Variants in GPC5 observed in about 807,000 individuals in gnomAD.
The protein encoded by GPC5 is glypican 5, also known as glypican-5.
Under a neutral mutation model 53.9 loss-of-function variants are expected in GPC5, and 47 were observed. The ratio of observed to expected loss-of-function variants is 0.87; its 90% CI spans 0.69 to 1.11. GPC5 has a LOEUF of 1.11. GPC5 is among the 50% of genes most tolerant of loss of function. The pLI, the probability that GPC5 is intolerant of heterozygous loss-of-function variation, is 0.00. For synonymous variants in GPC5, 286 were observed against 263.3 expected (o/e 1.09, Z -0.84); for missense variants, 748 against 713.1 (o/e 1.05, Z -0.56).
At chr13:91,632,581 G>A (rs545050050) in intron 2 of GPC5, among the ~76,000 whole-genome samples, 3 of 152,222 alleles carry the variant, frequency 2.0e-5, no homozygotes, top group Admixed American at 1.3e-4. Flanking sequence ...AAGCAGCACT[G>A]CCCTACCTGT....
At chr13:92,654,079 C>T (rs1020127461) in intron 7 of GPC5, among the ~76,000 whole-genome samples, 3 of 152,216 alleles carry the variant, frequency 2.0e-5, no homozygotes, top group East Asian at 1.9e-4. Context: ...TTGAATGTTT[C>T]GGTCCATTCA....
chr13:92,455,970 A>T (rs1232582259), intron 7 of GPC5, among the ~76,000 whole-genome samples: 1 of 152,204 alleles, frequency 6.6e-6, no homozygotes, highest in Non-Finnish European at 1.5e-5. Flanking sequence ...GATTTGTTTC[A>T]AAAAGACCTT....
At chr13:91,804,624 T>C (rs1400760381) in intron 5 of GPC5, among the ~76,000 whole-genome samples, 2 of 152,220 alleles carry the variant, frequency 1.3e-5, no homozygotes, top group Non-Finnish European at 2.9e-5. Flanking sequence ...TATTCTTTTT[T>C]ATTTGCTCAT....
chr13:92,155,167 G>A (rs2041934664), intron 7 of GPC5, among the ~76,000 whole-genome samples: 1 of 151,998 alleles, frequency 6.6e-6, no homozygotes, highest in Non-Finnish European at 1.5e-5. Context: ...GTTCTTTTAT[G>A]GTGATGAGAC....
At chr13:92,810,732 TG>T (rs1450079969) in intron 7 of GPC5, among the ~76,000 whole-genome samples, 1 of 152,034 alleles carries the variant, frequency 6.6e-6, no homozygotes, top group East Asian at 1.9e-4. Context: ...TTTATTTATT[TG>T]TTTTTGAGAC....
At chr13:91,592,096 A>T (rs1411123855) in intron 2 of GPC5, among the ~76,000 whole-genome samples, 1 of 152,178 alleles carries the variant, frequency 6.6e-6, no homozygotes, top group African/African-American at 2.4e-5. Context: ...TAAGTTGATC[A>T]TAGTCCATTG....
intron 2 of GPC5, among the ~76,000 whole-genome samples, chr13:91,666,534 G>A (rs993820093): frequency 6.6e-6 from 1 of 151,972 alleles, no homozygotes; most frequent in Non-Finnish European, 1.5e-5. Context: ...AATTGAAATT[G>A]CATTTCATTT....
intron 7 of GPC5, among the ~76,000 whole-genome samples, chr13:92,865,568 T>A (rs181586181): frequency 6.6e-6 from 1 of 152,162 alleles, no homozygotes; most frequent in African/African-American, 2.4e-5. Flanking sequence ...GGAAGAAATG[T>A]TTTAGACCAT....
At chr13:91,457,483 A>G (rs886855614) in intron 2 of GPC5, among the ~76,000 whole-genome samples, 2 of 152,148 alleles carry the variant, frequency 1.3e-5, no homozygotes, top group African/African-American at 2.4e-5. Context: ...CATATAGCAC[A>G]TGACAGCATC....
At chr13:92,134,519 A>G (rs181823109) in intron 6 of GPC5, among the ~76,000 whole-genome samples, 55 of 152,284 alleles carry the variant, frequency 3.6e-4, no homozygotes, top group African/African-American at 1.3e-3. Context: ...GGCATGTTCA[A>G]TAAGCAACTC....
chr13:91,879,210 C>G (rs1276002219), intron 5 of GPC5, among the ~76,000 whole-genome samples: 1 of 152,094 alleles, frequency 6.6e-6, no homozygotes, highest in Admixed American at 6.6e-5. Flanking sequence ...TATAGGTATA[C>G]AGTACCATGG....
intron 7 of GPC5, among the ~76,000 whole-genome samples, chr13:92,403,690 T>G (rs1875662958): frequency 6.6e-6 from 1 of 152,224 alleles, no homozygotes; most frequent in African/African-American, 2.4e-5. Context: ...AGAGCCATTG[T>G]TATATGGTTA....
At chr13:92,338,636 T>G (rs940287113) in intron 7 of GPC5, among the ~76,000 whole-genome samples, 1 of 152,100 alleles carries the variant, frequency 6.6e-6, no homozygotes, top group Non-Finnish European at 1.5e-5. Context: ...GAAGCCAGTC[T>G]TAAAAGGTTA....
At chr13:91,964,209 C>T (rs939415302) in intron 6 of GPC5, among the ~76,000 whole-genome samples, 2 of 152,130 alleles carry the variant, frequency 1.3e-5, no homozygotes, top group African/African-American at 2.4e-5. Flanking sequence ...CTCACAAAGG[C>T]AGTGCAGACC....
At chr13:91,586,916 T>C (rs2032618807) in intron 2 of GPC5, among the ~76,000 whole-genome samples, 2 of 152,134 alleles carry the variant, frequency 1.3e-5, no homozygotes, top group South Asian at 4.2e-4. Context: ...AGACATATGT[T>C]TATAATAAAT....
chr13:91,963,994 G>GTGTT (rs1347999281), intron 6 of GPC5, among the ~76,000 whole-genome samples: 2 of 152,144 alleles, frequency 1.3e-5, no homozygotes, highest in African/African-American at 4.8e-5. Flanking sequence ...ATACCATTTT[G>GTGTT]TGTTTGGAAT....
At chr13:91,597,742 T>C (rs1449813493) in intron 2 of GPC5, among the ~76,000 whole-genome samples, 1 of 152,162 alleles carries the variant, frequency 6.6e-6, no homozygotes, top group Non-Finnish European at 1.5e-5. Context: ...TACCTGTTTT[T>C]GTCCTGGGGT....
intron 7 of GPC5, among the ~76,000 whole-genome samples, chr13:92,460,684 C>T (rs1878443232): frequency 6.6e-6 from 1 of 152,054 alleles, no homozygotes; most frequent in African/African-American, 2.4e-5. Context: ...AATGTGCTAT[C>T]AGGAAGGTCA....
At chr13:91,679,807 A>G (rs1456073033) in intron 2 of GPC5, among the ~76,000 whole-genome samples, 1 of 152,200 alleles carries the variant, frequency 6.6e-6, no homozygotes, top group East Asian at 1.9e-4. Context: ...TTCATGTTCT[A>G]TGTCATGAAA....
Sources: allele counts gnomAD v4.1 joint callset (sites outside exome capture counted in the v4.1 genomes callset), GRCh38; gene constraint gnomAD v4.1.1; transcripts MANE v1.5; gene names NCBI Gene and HGNC (gene_info 2026-07-23, HGNC 2026-07-21).